FSIP1: variants seen among roughly 807,000 people sequenced by gnomAD.
The protein encoded by FSIP1 is fibrous sheath-interacting protein 1.
FSIP1 carries 65 observed loss-of-function variants against 60.9 expected under a neutral mutation model. The observed-to-expected ratio is 1.07, with a 90% CI of 0.87 to 1.31. FSIP1 has a LOEUF of 1.31. FSIP1 is among the 40% of genes most tolerant of loss of function. The pLI is 0.00. For missense variants in FSIP1, 675 were observed against 665.5 expected (o/e 1.01, Z -0.16); for synonymous variants, 209 against 221.2 (o/e 0.94, Z 0.49).
chr15:39,713,542 G>A lies in FSIP1; in HGVS notation c.1090C>T (p.Pro364Ser). Residue 364 changes from proline to serine, a missense_variant, in exon 10 of 12, where the codon CCA (proline) becomes TCA (serine). Pro to Ser is a moderately conservative substitution (Grantham distance 74). Coordinates refer to ENST00000350221, the MANE Select transcript of FSIP1 (RefSeq NM_152597.5). ...RDGERNMEVTPGEKILRNTKE... is the reference protein window; with the variant it reads ...RDGERNMEVTSGEKILRNTKE... ...GTGTTCCTAAGTATCTTTTCTCCTG[G>A]AGTTACTTCCATATTTCTTTCACCA... 1 of 1,604,826 alleles carries A rather than the reference G, an allele frequency of 6.2e-7. No individual in the cohort carries two copies. The highest frequency in any genetic ancestry group is 1.1e-5 in the South Asian group (1 of 89,370).
intron 9 of FSIP1, among the ~76,000 whole-genome samples, chr15:39,718,880 G>A (rs1895850781): frequency 6.6e-6 from 1 of 152,158 alleles, no homozygotes; most frequent in Non-Finnish European, 1.5e-5. Context: ...ACACCCGAAG[G>A]TTGGATTCTA....
intron 1 of FSIP1, among the ~76,000 whole-genome samples, chr15:39,779,344 G>A (rs1376357902): frequency 1.3e-5 from 2 of 151,996 alleles, no homozygotes. Context: ...AAGAGTAGTG[G>A]GTTCTGGATT....
intron 10 of FSIP1, among the ~76,000 whole-genome samples, chr15:39,653,036 C>A (rs1892935732): frequency 6.6e-6 from 1 of 151,732 alleles, no homozygotes; most frequent in Admixed American, 6.6e-5. Flanking sequence ...ATTACTCAGG[C>A]GTGGTGGTGT....
chr15:39,756,733 A>G (rs1315202149), intron 5 of FSIP1, among the ~76,000 whole-genome samples: 2 of 152,158 alleles, frequency 1.3e-5, no homozygotes, highest in African/African-American at 4.8e-5. Context: ...CAAAAAATGA[A>G]AAGAAAGAAA....
chr15:39,667,345 G>A (rs2140462337), intron 10 of FSIP1, among the ~76,000 whole-genome samples: 1 of 152,126 alleles, frequency 6.6e-6, no homozygotes, highest in Admixed American at 6.5e-5. Flanking sequence ...CAGAGTAAAG[G>A]CCTGGTTCTT....
At chr15:39,770,294 T>C (rs1199916885) in intron 3 of FSIP1, 133 bp downstream of exon 3, 2 of 558,230 alleles carry the variant, frequency 3.6e-6, no homozygotes, top group South Asian at 4.3e-5. Context: ...AAATAGTCTA[T>C]GTCTTTTTTT....
At chr15:39,652,497 T>C (rs1250941135) in intron 10 of FSIP1, among the ~76,000 whole-genome samples, 1 of 152,220 alleles carries the variant, frequency 6.6e-6, no homozygotes, top group Non-Finnish European at 1.5e-5. Context: ...TTGCTATAGA[T>C]TTTGCACATT....
At chr15:39,607,997 A>G (rs117113841) in intron 11 of FSIP1, among the ~76,000 whole-genome samples, 1,641 of 152,346 alleles carry the variant, frequency 0.011, 13 homozygotes, top group Non-Finnish European at 0.017. Flanking sequence ...TTTGATGCAC[A>G]CTTTTGTAGA....
At chr15:39,727,600 A>T (rs1896247128) in intron 8 of FSIP1, among the ~76,000 whole-genome samples, 1 of 152,244 alleles carries the variant, frequency 6.6e-6, no homozygotes, top group South Asian at 2.1e-4. Context: ...TGAACTAAGG[A>T]ATGTTTTCTG....
At chr15:39,740,083 A>G (rs1896754339) in intron 6 of FSIP1, among the ~76,000 whole-genome samples, 1 of 152,274 alleles carries the variant, frequency 6.6e-6, no homozygotes, top group Non-Finnish European at 1.5e-5. Context: ...ATAGAACTTC[A>G]AGACAGACAT....
chr15:39,599,177 A>G (rs757700436), downstream of FSIP1: 4 of 152,162 alleles, frequency 2.6e-5, no homozygotes, highest in Non-Finnish European at 5.9e-5. Flanking sequence ...AAAAACATCT[A>G]TTTTTAATAA....
At position 39,661,148 on chromosome 15, in the gene FSIP1, AAC is replaced by A. The variant is rs371083213; in HGVS notation, c.1189-42905_1189-42904del. ...CAGCTTTTGACGTCTCTAGTGGAAA[AAC>A]ACACTAGATTGTTGGTATGCAAACT... On this transcript the variant is annotated intron_variant, in intron 10 of 11. Coordinates refer to ENST00000350221, the MANE Select transcript of FSIP1 (RefSeq NM_152597.5). Among the ~76,000 whole-genome samples the A allele has an allele frequency of 3.3e-4, 50 of 152,348 alleles. No individual in the cohort carries two copies. The East Asian group carries it at 9.2e-3, about 28-fold the overall frequency.
At chr15:39,755,259 G>A (rs1351241588) in intron 5 of FSIP1, among the ~76,000 whole-genome samples, 1 of 152,052 alleles carries the variant, frequency 6.6e-6, no homozygotes, top group Non-Finnish European at 1.5e-5. Context: ...ACAGTGAAAG[G>A]GATGGGATGT....
chr15:39,726,687 G>A lies in FSIP1; in HGVS notation c.952C>T (p.Gln318Ter). 1 of 1,614,034 alleles carries A rather than the reference G, an allele frequency of 6.2e-7. No homozygotes were observed. The highest frequency in any genetic ancestry group is 8.5e-7 in the Non-Finnish European group (1 of 1,179,930). ...KGYELAVTQHQQLAEIDIKLQ... is the reference protein window; with the variant it reads ...KGYELAVTQH The stretch of plus-strand genomic sequence containing the variant: ...TTTATATCAATTTCAGCAAGCTGCT[G>A]ATGCTGGGTGACTGCAAGTTCATAT... The change falls in exon 9 of 12, where the codon CAG (glutamine) becomes TAG (stop). Residue 318 changes from glutamine (Q) to a stop codon, truncating the protein, a stop_gained. Coordinates refer to ENST00000350221, the MANE Select transcript of FSIP1 (RefSeq NM_152597.5). LOFTEE classifies it high-confidence loss of function.
At chr15:39,675,494 T>C (rs1893901783) in intron 10 of FSIP1, among the ~76,000 whole-genome samples, 1 of 152,178 alleles carries the variant, frequency 6.6e-6, no homozygotes, top group Non-Finnish European at 1.5e-5. Context: ...ATTCTCACTA[T>C]GGAATGTTAT....
chr15:39,750,448 C>T (rs1206801726), intron 5 of FSIP1, among the ~76,000 whole-genome samples: 1 of 151,790 alleles, frequency 6.6e-6, no homozygotes, highest in African/African-American at 2.4e-5. Context: ...ACACACAGAC[C>T]AGCAGAACAA....
At chr15:39,735,913 C>T (rs1479103401) in intron 8 of FSIP1, among the ~76,000 whole-genome samples, 1 of 152,164 alleles carries the variant, frequency 6.6e-6, no homozygotes, top group Non-Finnish European at 1.5e-5. Flanking sequence ...CACTGTCTTC[C>T]ACTCCATATC....
At chr15:39,671,141 C>T (rs1893703088) in intron 10 of FSIP1, among the ~76,000 whole-genome samples, 1 of 152,118 alleles carries the variant, frequency 6.6e-6, no homozygotes, top group South Asian at 2.1e-4. Flanking sequence ...ATGATAATCG[C>T]TTTTTGAGCA....
chr15:39,748,762 C>A (rs1897075928), intron 5 of FSIP1, among the ~76,000 whole-genome samples: 1 of 151,572 alleles, frequency 6.6e-6, no homozygotes, highest in African/African-American at 2.4e-5. Flanking sequence ...CAAGGAACTG[C>A]AAAAATAACA....
Sources: gnomAD v4.1 joint callset for allele counts (sites outside exome capture counted in the v4.1 genomes callset) on GRCh38, gnomAD v4.1.1 for gene constraint, MANE v1.5 for transcripts, NCBI Gene and HGNC (gene_info 2026-07-23, HGNC 2026-07-21) for gene names.